Variants in KCNK5 observed in about 807,000 individuals in gnomAD.
KCNK5 encodes potassium channel subfamily K member 5.
In KCNK5, 18 loss-of-function variants were observed where a neutral mutation model predicts 32.9. That is an observed-to-expected ratio of 0.55 (90% CI 0.38 to 0.81). KCNK5 has a LOEUF of 0.81. Among genes scored for constraint, KCNK5 ranks in the 30% least tolerant of loss-of-function variants. The pLI is 0.00. For synonymous variants in KCNK5, 276 were observed against 275.3 expected (o/e 1.00, Z -0.03); for missense variants, 507 against 651.0 (o/e 0.78, Z 2.41).
At chr6:39,198,396 C>T (rs1438911645) in intron 1 of KCNK5, among the ~76,000 whole-genome samples, 1 of 152,184 alleles carries the variant, frequency 6.6e-6, no homozygotes, top group Non-Finnish European at 1.5e-5. Flanking sequence ...ATCCAATGTG[C>T]AGTGGATGCA....
Position 39,194,499 on chromosome 6 carries a change from T to C in KCNK5, c.465+95A>G. 6.7e-7 allele frequency: 1 copy of C among 1,488,130 alleles called. No individual in the cohort carries two copies. The highest frequency in any genetic ancestry group is 1.4e-5 in the African/African-American group (1 of 71,788). 92.2% of individuals were successfully genotyped at this position (1,488,130 alleles called of 1,614,324 possible). ...GAAACTATCCTCTTGCCATCTGTCCTTACACCCTTGGTCCAATTCCTAGAG... is the reference window on the plus strand; with the variant it reads ...GAAACTATCCTCTTGCCATCTGTCCCTACACCCTTGGTCCAATTCCTAGAG... On this transcript the variant is annotated intron_variant, in intron 3 of 4. Coordinates refer to ENST00000359534, the MANE Select transcript of KCNK5 (RefSeq NM_003740.4). The surrounding 1 kb of genome is among the most constrained non-coding windows in gnomAD (Gnocchi z 4.7).
Position 39,191,129 on chromosome 6 carries a change from T to C in KCNK5, c.1261A>G (p.Thr421Ala). 1 of 1,614,176 alleles carries C rather than the reference T, an allele frequency of 6.2e-7. No individual in the cohort carries two copies. Among genetic ancestry groups the C allele is most frequent in the Non-Finnish European group, 8.5e-7 (1 of 1,180,026 alleles). Residue 421 changes from threonine to alanine, a missense_variant, in exon 5 of 5, where the codon ACC becomes GCC. This residue lies in a region of KCNK5 where 252 missense variants were observed against 250.8 expected (regional missense o/e 1.00). Coordinates refer to ENST00000359534, the MANE Select transcript of KCNK5 (RefSeq NM_003740.4). This position sits in a 1 kb window ranked among gnomAD's most constrained non-coding sequence, Gnocchi z 5.8. ...AGGCCAGCCTCCGTGTTCACGAAGG[T>C]GATGCTGGCGTCCTGGAAGATGAGT... ...HPLIFQDASI[T>A]FVNTEAGLSD... is the part of the protein sequence containing the mutation.
In KCNK5 at chr6:39,194,320, C is replaced by A; in HGVS notation, c.483G>T (p.Thr161=). ...RGVSLRKAQI[T]CTVIFIVWGV... ...CCCACACGATGAAGATGACTGTGCA[C>A]GTGATCTGCGCCTTCCGCTGATGGG... The change falls in exon 4 of 5, where the codon ACG becomes ACT. Residue 161 remains threonine (T), a synonymous_variant. Transcript: ENST00000359534. This position sits in a 1 kb window ranked among gnomAD's most constrained non-coding sequence, Gnocchi z 4.7. The A allele has an allele frequency of 6.2e-7, 1 of 1,610,162 alleles. No individual in the cohort carries two copies. Among genetic ancestry groups the A allele is most frequent in the East Asian group, 2.2e-5 (1 of 44,844 alleles).
In KCNK5 at chr6:39,216,608, T is replaced by C. The variant is rs553145320; in HGVS notation, c.186+12318A>G. Among the ~76,000 whole-genome samples, 5 of 152,342 alleles carry C rather than the reference T, an allele frequency of 3.3e-5. No individual in the cohort carries two copies. The East Asian group carries it at 9.7e-4, about 29-fold the overall frequency. On this transcript the variant is annotated intron_variant, in intron 1 of 4. Coordinates refer to ENST00000359534, the MANE Select transcript of KCNK5 (RefSeq NM_003740.4). ...GGGTTCAGGCCACTAACTAGCTATG[T>C]GACCTCCACTAAGTTACTTACCCTC... is the stretch of plus-strand genomic sequence containing the variant.
chr6:39,215,585 C>A (rs368620246), intron 1 of KCNK5, among the ~76,000 whole-genome samples: 6 of 152,206 alleles, frequency 3.9e-5, no homozygotes, highest in Non-Finnish European at 8.8e-5. Flanking sequence ...TAAAGGGCCC[C>A]GCCCTGAGGT....
chr6:39,227,349 C>T (rs540805748), intron 1 of KCNK5, among the ~76,000 whole-genome samples: 32 of 152,084 alleles, frequency 2.1e-4, no homozygotes, highest in Non-Finnish European at 3.1e-4. Context: ...ATTGTTTCCT[C>T]AAGGGAAATC....
At chr6:39,228,707 A>C (rs1399505350) in intron 1 of KCNK5, among the ~76,000 whole-genome samples, 1 of 152,118 alleles carries the variant, frequency 6.6e-6, no homozygotes, top group Non-Finnish European at 1.5e-5. Context: ...CGGCCAAACT[A>C]AGTTCCAAAG....
Position 39,194,111 on chromosome 6 carries a change from T to C in KCNK5, c.634+58A>G, listed in dbSNP as rs1244642250. On this transcript the variant is annotated intron_variant, in intron 4 of 4. Transcript: ENST00000359534. This position sits in a 1 kb window ranked among gnomAD's most constrained non-coding sequence, Gnocchi z 4.7. ...ACCTAGGGCACCCCCAACATAGGTCTGTTGCACTGAAACCAAAGAAGCAGA... is the reference window on the plus strand; with the variant it reads ...ACCTAGGGCACCCCCAACATAGGTCCGTTGCACTGAAACCAAAGAAGCAGA... 6.3e-7 allele frequency: 1 copy of C among 1,594,216 alleles called. No individual in the cohort carries two copies. Among genetic ancestry groups the C allele is most frequent in the African/African-American group, 1.3e-5 (1 of 74,572 alleles).
At chr6:39,209,356 A>G (rs1006613653) in intron 1 of KCNK5, among the ~76,000 whole-genome samples, 5 of 152,164 alleles carry the variant, frequency 3.3e-5, no homozygotes, top group Non-Finnish European at 7.4e-5. Context: ...CCAGCCAGGC[A>G]CAGCTGTCCT....
chr6:39,202,544 G>A (rs1381178619), intron 1 of KCNK5, among the ~76,000 whole-genome samples: 1 of 152,198 alleles, frequency 6.6e-6, no homozygotes, highest in African/African-American at 2.4e-5. Flanking sequence ...CAGTGGAGTG[G>A]GAGAGGTCCC....
chr6:39,227,613 G>A (rs1771697602), intron 1 of KCNK5, among the ~76,000 whole-genome samples: 1 of 152,098 alleles, frequency 6.6e-6, no homozygotes, highest in African/African-American at 2.4e-5. Flanking sequence ...CCCCTTGGAG[G>A]ACAAGTCTCC....
Position 39,190,813 on chromosome 6 carries a change from C to T in KCNK5, c.*77G>A, listed in dbSNP as rs577056853. On this transcript the variant is annotated 3_prime_UTR_variant, in exon 5 of 5. Coordinates refer to ENST00000359534, the MANE Select transcript of KCNK5 (RefSeq NM_003740.4). ...GGCTGCCCCCCCACCAGGGGCCAGG[C>T]GTCCCGGTCATCTCGGGACACCCTA... 6,635 of 1,350,670 alleles carry T rather than the reference C, an allele frequency of 4.9e-3. 24 individuals carry two copies. Among genetic ancestry groups the T allele is most frequent in the Non-Finnish European group, 5.8e-3 (5,979 of 1,037,090 alleles). The allele number at this position is 1,350,670 out of a possible 1,614,324, so 83.7% of individuals were successfully genotyped here. A position where few individuals can be genotyped will look rare whatever the true frequency, so the allele number is the denominator to read the frequency against.
intron 1 of KCNK5, among the ~76,000 whole-genome samples, chr6:39,227,340 T>C (rs1404064511): frequency 2.0e-4 from 31 of 152,048 alleles, no homozygotes; most frequent in Admixed American, 2.0e-3. Flanking sequence ...TCTAGAGGAA[T>C]TGTTTCCTCA....
At chr6:39,207,440 G>A (rs1771248464) in intron 1 of KCNK5, among the ~76,000 whole-genome samples, 1 of 152,204 alleles carries the variant, frequency 6.6e-6, no homozygotes, top group Non-Finnish European at 1.5e-5. Context: ...GCTGGACGGT[G>A]GGCTCTAGCT....
intron 1 of KCNK5, among the ~76,000 whole-genome samples, chr6:39,203,940 G>A (rs1036840178): frequency 3.9e-5 from 6 of 152,222 alleles, no homozygotes; most frequent in African/African-American, 1.4e-4. Flanking sequence ...CCCCGGGTCA[G>A]GTGACCAGGG....
intron 1 of KCNK5, among the ~76,000 whole-genome samples, chr6:39,211,379 C>G (rs991799743): frequency 6.6e-6 from 1 of 152,224 alleles, no homozygotes; most frequent in African/African-American, 2.4e-5. Flanking sequence ...ACGGCTTGCA[C>G]AAACACATGC....
Position 39,195,950 on chromosome 6 carries a change from G to A in KCNK5, c.224C>T (p.Thr75Ile). 1 of 1,613,782 alleles carries A rather than the reference G, an allele frequency of 6.2e-7. No homozygotes were observed. Among genetic ancestry groups the A allele is most frequent in the Non-Finnish European group, 8.5e-7 (1 of 1,179,856 alleles). The change falls in exon 2 of 5, where the codon ACA becomes ATA. Residue 75 changes from threonine (T) to isoleucine (I), a missense_variant. Thr to Ile is a moderately conservative substitution (Grantham distance 89). Transcript: ENST00000359534. ...CCAGTTGTTGAAGGTCTGGTTCCCT[G>A]TGATGGCCACACCCTGTCCTGCAGC... is the stretch of plus-strand genomic sequence containing the variant. ...SDAAGQGVAI[T>I]GNQTFNNWNW...
intron 1 of KCNK5, among the ~76,000 whole-genome samples, chr6:39,198,678 C>G (rs1459062156): frequency 6.6e-6 from 1 of 152,300 alleles, no homozygotes; most frequent in South Asian, 2.1e-4. Context: ...TATGTCAACT[C>G]CAGGTCTATC....
At chr6:39,200,007 T>C (rs763775246) in intron 1 of KCNK5, among the ~76,000 whole-genome samples, 24 of 152,180 alleles carry the variant, frequency 1.6e-4, no homozygotes, top group Non-Finnish European at 3.2e-4. Context: ...GCTGGGATTA[T>C]GCAGGAAGAG....
Sources: gnomAD v4.1 joint callset for allele counts (sites outside exome capture counted in the v4.1 genomes callset) on GRCh38, gnomAD v4.1.1 for gene constraint, gnomAD v4.1.1 regional missense constraint, Gnocchi (gnomAD v3.1) non-coding constraint, MANE v1.5 for transcripts, NCBI Gene and HGNC (gene_info 2026-07-23, HGNC 2026-07-21) for gene names.